The following JARID2 variants were observed in gnomAD, a reference collection of about 807,000 sequenced individuals.
The protein encoded by JARID2 is protein Jumonji.
Under a neutral mutation model 125.6 loss-of-function variants are expected in JARID2, and 21 were observed. The ratio of observed to expected loss-of-function variants is 0.17; its 90% CI spans 0.12 to 0.24. JARID2 has a LOEUF of 0.24. JARID2 is among the 10% of genes least tolerant of loss of function. JARID2 has a pLI of 1.00. For missense variants in JARID2, 1,303 were observed against 1,639.6 expected (o/e 0.79, Z 3.55); for synonymous variants, 736 against 661.6 (o/e 1.11, Z -1.73).
chr6:15,468,589 G>A lies in JARID2; in HGVS notation c.541G>A (p.Asp181Asn), dbSNP rs752219216. The part of the protein sequence containing the change: ...NSMVYFGSSQ[D>N]EEEVEEEDDE... ...CATGGTGTATTTTGGAAGCTCTCAG[G>A]ATGAGGAGGAAGTCGAGGAGGAAGA... The change falls in exon 5 of 18, where the codon GAT becomes AAT. Residue 181 changes from aspartate to asparagine, a missense_variant. This residue lies in a region of JARID2 where 651 missense variants were observed against 581.6 expected (regional missense o/e 1.12). Transcript: ENST00000341776. 6.2e-7 allele frequency: 1 copy of A among 1,614,148 alleles called. No individual in the cohort carries two copies. Among genetic ancestry groups the A allele is most frequent in the East Asian group, 2.2e-5 (1 of 44,886 alleles).
At chr6:15,400,009 A>G (rs1385055189) in intron 2 of JARID2, among the ~76,000 whole-genome samples, 1 of 152,244 alleles carries the variant, frequency 6.6e-6, no homozygotes, top group African/African-American at 2.4e-5. Flanking sequence ...TGTGTACTCC[A>G]GTTGTCTGAG....
intron 1 of JARID2, among the ~76,000 whole-genome samples, chr6:15,286,753 T>C (rs1427060322): frequency 1.3e-5 from 2 of 151,142 alleles, no homozygotes; most frequent in African/African-American, 4.9e-5. Flanking sequence ...TCCCAGCTAC[T>C]TGGGAGGCTG....
chr6:15,492,718 G>A (rs995324944), intron 6 of JARID2, among the ~76,000 whole-genome samples: 1 of 152,144 alleles, frequency 6.6e-6, no homozygotes, highest in South Asian at 2.1e-4. Flanking sequence ...GGCCTCTCGT[G>A]GTGGGCATAG....
intron 1 of JARID2, among the ~76,000 whole-genome samples, chr6:15,352,012 G>T (rs707838): frequency 0.79 from 120,428 of 152,092 alleles, 47,750 homozygotes; most frequent in East Asian, 0.84. Flanking sequence ...GAGGCTGTGA[G>T]GCATTTAAAA....
rs571747971 is a variant in JARID2, at chr6:15,257,660, G to A, written c.45+11076G>A. Reference sequence around the variant, plus strand: ...CTGACTTAGAAGTGCCCGTATTTACGTTTTGATCTTTCCTAGTACATTGCT... The same window carrying A: ...CTGACTTAGAAGTGCCCGTATTTACATTTTGATCTTTCCTAGTACATTGCT... On this transcript the variant is annotated intron_variant, in intron 1 of 17. Transcript: ENST00000341776. Among the ~76,000 whole-genome samples the A allele has an allele frequency of 5.9e-5, 9 of 152,276 alleles. No individual in the cohort carries two copies. In the South Asian group the frequency reaches 1.7e-3, roughly 28 times the overall value.
intron 2 of JARID2, among the ~76,000 whole-genome samples, chr6:15,403,858 C>T (rs2127559151): frequency 6.6e-6 from 1 of 152,200 alleles, no homozygotes; most frequent in Admixed American, 6.5e-5. Context: ...TCCACCTATT[C>T]ATCCTCCCCA....
chr6:15,439,416 T>C (rs939894881), intron 3 of JARID2, among the ~76,000 whole-genome samples: 2 of 152,194 alleles, frequency 1.3e-5, no homozygotes, highest in African/African-American at 2.4e-5. Context: ...TCCCTCTGTT[T>C]TGTAATGCCA....
intron 1 of JARID2, among the ~76,000 whole-genome samples, chr6:15,366,809 C>T (rs1763995610): frequency 1.3e-5 from 2 of 152,086 alleles, no homozygotes; most frequent in South Asian, 4.1e-4. Context: ...CCTTCTGCCT[C>T]TTTATCACCA....
chr6:15,460,917 C>T (rs1768415261), intron 4 of JARID2, among the ~76,000 whole-genome samples: 1 of 152,188 alleles, frequency 6.6e-6, no homozygotes, highest in South Asian at 2.1e-4. Context: ...GTTGACCAGA[C>T]TGGTCTTGAA....
At chr6:15,327,713 A>G (rs943783148) in intron 1 of JARID2, among the ~76,000 whole-genome samples, 7 of 152,196 alleles carry the variant, frequency 4.6e-5, no homozygotes, top group Non-Finnish European at 8.8e-5. Context: ...CAGCAGAACT[A>G]TAGAAATTTG....
At chr6:15,419,819 C>A (rs534071931) in intron 3 of JARID2, among the ~76,000 whole-genome samples, 2 of 152,138 alleles carry the variant, frequency 1.3e-5, no homozygotes, top group African/African-American at 4.8e-5. Context: ...TGGTTTTAGG[C>A]AATTTGATAC....
At chr6:15,464,758 A>T (rs1212932098) in intron 4 of JARID2, among the ~76,000 whole-genome samples, 3 of 152,164 alleles carry the variant, frequency 2.0e-5, no homozygotes, top group Non-Finnish European at 4.4e-5. Context: ...CATCTGATTT[A>T]CGAATCCTTC....
chr6:15,520,291 G>T lies in JARID2; in HGVS notation c.*40G>T. On this transcript the variant is annotated 3_prime_UTR_variant, in exon 18 of 18. Transcript: ENST00000341776. ...GTGGTCGATTTATATATATTTTTTT[G>T]TAATTATTATATTCTAGTTTGGAGT... 6.8e-7 allele frequency: 1 copy of T among 1,461,052 alleles called. No individual in the cohort carries two copies. The highest frequency in any genetic ancestry group is 1.9e-4 in the Middle Eastern group (1 of 5,220). 90.5% of individuals were successfully genotyped at this position (1,461,052 alleles called of 1,614,324 possible).
intron 1 of JARID2, among the ~76,000 whole-genome samples, chr6:15,346,788 C>T (rs1002490746): frequency 1.1e-4 from 16 of 150,328 alleles, no homozygotes; most frequent in Non-Finnish European, 1.9e-4. Context: ...CAGTCTGGAG[C>T]GCAGTGGTGT....
intron 1 of JARID2, among the ~76,000 whole-genome samples, chr6:15,292,534 T>C (rs904768533): frequency 1.1e-4 from 17 of 152,170 alleles, no homozygotes; most frequent in African/African-American, 3.9e-4. Flanking sequence ...TTTTGACAAA[T>C]GATTTGCCAG....
At chr6:15,345,064 T>C (rs1763200910) in intron 1 of JARID2, among the ~76,000 whole-genome samples, 2 of 152,186 alleles carry the variant, frequency 1.3e-5, no homozygotes, top group South Asian at 4.1e-4. Flanking sequence ...GTTTCTAGGC[T>C]TAGGAATGAT....
At chr6:15,377,627 G>A (rs533886784) in intron 2 of JARID2, among the ~76,000 whole-genome samples, 1 of 151,962 alleles carries the variant, frequency 6.6e-6, no homozygotes, top group South Asian at 2.1e-4. Flanking sequence ...CACCACACCT[G>A]GGCAACAAAT....
At chr6:15,308,498 C>G (rs1466942463) in intron 1 of JARID2, among the ~76,000 whole-genome samples, 1 of 152,162 alleles carries the variant, frequency 6.6e-6, no homozygotes, top group Non-Finnish European at 1.5e-5. Flanking sequence ...CCTTTAAAAT[C>G]TTGCATATAA....
chr6:15,296,757 T>C (rs1761431513), intron 1 of JARID2, among the ~76,000 whole-genome samples: 5 of 152,226 alleles, frequency 3.3e-5, no homozygotes, highest in Admixed American at 3.3e-4. Flanking sequence ...TCCTCTGAGC[T>C]CTTACTTCCT....
Sources: gnomAD v4.1 joint callset for allele counts (sites outside exome capture counted in the v4.1 genomes callset) on GRCh38, gnomAD v4.1.1 for gene constraint, gnomAD v4.1.1 regional missense constraint, MANE v1.5 for transcripts, NCBI Gene and HGNC (gene_info 2026-07-23, HGNC 2026-07-21) for gene names.